CHRM3: variants seen among roughly 807,000 people sequenced by gnomAD.
The protein encoded by CHRM3 is muscarinic acetylcholine receptor M3.
CHRM3 carries 11 observed loss-of-function variants against 41.8 expected under a neutral mutation model. The observed-to-expected ratio is 0.26, with a 90% CI of 0.17 to 0.44. CHRM3 has a LOEUF of 0.44. Among genes scored for constraint, CHRM3 ranks in the 20% least tolerant of loss-of-function variants. CHRM3 has a pLI of 1.00. For synonymous variants in CHRM3, 297 were observed against 301.4 expected, an observed-to-expected ratio of 0.99 and a Z score of 0.15; for missense variants, 571 against 745.4, an observed-to-expected ratio of 0.77 and a Z score of 2.72.
intron 3 of CHRM3, among the ~76,000 whole-genome samples, chr1:239,567,066 A>C: frequency 6.6e-6 from 1 of 152,216 alleles, no homozygotes; most frequent in East Asian, 1.9e-4. Flanking sequence ...ACTTAATACA[A>C]TTTTATGATT....
intron 3 of CHRM3, among the ~76,000 whole-genome samples, chr1:239,572,509 A>T (rs1661919182): frequency 6.6e-6 from 1 of 152,194 alleles, no homozygotes; most frequent in Non-Finnish European, 1.5e-5. Flanking sequence ...GATGATATAC[A>T]TCTTTTCCGG....
At chr1:239,595,986 G>A (rs554817023) in intron 3 of CHRM3, among the ~76,000 whole-genome samples, 3 of 152,018 alleles carry the variant, frequency 2.0e-5, no homozygotes, top group Non-Finnish European at 2.9e-5. Flanking sequence ...GTAATTTCAC[G>A]CTTCTCATTT....
chr1:239,675,449 A>C (rs1657903275), intron 4 of CHRM3, among the ~76,000 whole-genome samples: 1 of 152,318 alleles, frequency 6.6e-6, no homozygotes, highest in Middle Eastern at 3.4e-3. Flanking sequence ...TTTGTCAAGA[A>C]TTGCAAGACA....
At chr1:239,887,026 G>T (rs1350206209) in intron 6 of CHRM3, among the ~76,000 whole-genome samples, 4 of 152,102 alleles carry the variant, frequency 2.6e-5, no homozygotes, top group African/African-American at 9.7e-5. Flanking sequence ...ACAACTGCTT[G>T]TGTGACTCAG....
chr1:239,658,562 G>C (rs1158404915), intron 4 of CHRM3, among the ~76,000 whole-genome samples: 1 of 152,100 alleles, frequency 6.6e-6, no homozygotes, highest in Admixed American at 6.5e-5. Flanking sequence ...TTTACATCTT[G>C]ATTATATGGT....
chr1:239,873,610 A>G (rs1223123614), intron 6 of CHRM3, among the ~76,000 whole-genome samples: 1 of 151,768 alleles, frequency 6.6e-6, no homozygotes, highest in Non-Finnish European at 1.5e-5. Context: ...TTCTGCTTCT[A>G]CATGCTACTT....
At chr1:239,618,281 T>TC (rs1558382372) in intron 3 of CHRM3, among the ~76,000 whole-genome samples, 6 of 140,434 alleles carry the variant, frequency 4.3e-5, no homozygotes. Context: ...TTCTTTCTTT[T>TC]TTTTTTTTTT....
In CHRM3 at chr1:239,915,439, T is replaced by C. The variant is rs568973547; in HGVS notation, c.*6215T>C. 2 of 167,074 alleles carry C rather than the reference T, an allele frequency of 1.2e-5. No individual in the cohort carries two copies. The highest frequency in any genetic ancestry group is 4.8e-5 in the African/African-American group (2 of 41,458). The allele number at this position is 167,074 out of a possible 1,614,324, so 10.3% of individuals were successfully genotyped here. Reference sequence around the variant, plus strand: ...ACAGTGAAATAAGTAAATAAAACTATTATTGAACAAAGAGTGTGGTTTGCT... The same window carrying C: ...ACAGTGAAATAAGTAAATAAAACTACTATTGAACAAAGAGTGTGGTTTGCT... On this transcript the variant is annotated 3_prime_UTR_variant, in exon 7 of 7. Transcript: ENST00000676153.
chr1:239,620,790 G>T (rs891238726), intron 3 of CHRM3, among the ~76,000 whole-genome samples: 2 of 152,012 alleles, frequency 1.3e-5, no homozygotes, highest in Non-Finnish European at 2.9e-5. Flanking sequence ...TGCTGAGGTG[G>T]ATTCACTCTC....
rs1680533825 is a variant in CHRM3 at position 239,914,364 on chromosome 1, ATAT to A, written c.*5144_*5146del. On this transcript the variant is annotated 3_prime_UTR_variant, in exon 7 of 7. Transcript: ENST00000676153. ...AATAACCTCCTTATTAATATAACAA[ATAT>A]TATCAACATTCTGTGCACATCAATG... 1 of 167,230 alleles carries A rather than the reference ATAT, an allele frequency of 6.0e-6. No individual in the cohort carries two copies. Among genetic ancestry groups the A allele is most frequent in the South Asian group, 2.1e-4 (1 of 4,830 alleles). 10.4% of individuals were successfully genotyped at this position (167,230 alleles called of 1,614,324 possible).
In CHRM3 at chr1:239,908,448, A is replaced by C; in HGVS notation, c.997A>C (p.Ser333Arg). 6.2e-7 allele frequency: 1 copy of C among 1,613,758 alleles called. No homozygotes were observed. Among genetic ancestry groups the C allele is most frequent in the Non-Finnish European group, 8.5e-7 (1 of 1,179,900 alleles). The change falls in exon 7 of 7, where the codon AGC becomes CGC. Residue 333 changes from serine to arginine, a missense_variant. Ser to Arg is a moderately radical substitution (Grantham distance 110). This residue lies in a region of CHRM3 where 239 missense variants were observed against 239.6 expected (regional missense o/e 1.00). Transcript: ENST00000676153. The surrounding 1 kb of genome is among the most constrained non-coding windows in gnomAD (Gnocchi z 7.2). ...SSEQMDQDHS[S>R]SDSWNNNDAA... ...CGAGCAGATGGACCAAGACCACAGC[A>C]GCAGTGACAGTTGGAACAACAATGA...
chr1:239,618,693 A>AAG (rs1667971278), intron 3 of CHRM3, among the ~76,000 whole-genome samples: 5 of 150,498 alleles, frequency 3.3e-5, no homozygotes, highest in Admixed American at 3.3e-4. Flanking sequence ...AAATACAAAA[A>AAG]ATTAGCTGGG....
chr1:239,873,268 A>G (rs1283062598), intron 6 of CHRM3, among the ~76,000 whole-genome samples: 2 of 152,194 alleles, frequency 1.3e-5, no homozygotes, highest in Non-Finnish European at 2.9e-5. Context: ...TTCCTCAGCT[A>G]CAAAGTGGGA....
chr1:239,768,195 A>C (rs955066578), intron 5 of CHRM3, among the ~76,000 whole-genome samples: 1 of 152,220 alleles, frequency 6.6e-6, no homozygotes, highest in Non-Finnish European at 1.5e-5. Flanking sequence ...AGAATAGAGT[A>C]TGCCCAATTT....
At chr1:239,597,858 G>GTTTTTT (rs35067421) in intron 3 of CHRM3, among the ~76,000 whole-genome samples, 4 of 120,856 alleles carry the variant, frequency 3.3e-5, no homozygotes, top group Non-Finnish European at 6.6e-5. Flanking sequence ...AACTGTCAGA[G>GTTTTTT]TTTTTTTTTT....
intron 4 of CHRM3, among the ~76,000 whole-genome samples, chr1:239,651,986 T>A (rs887959414): frequency 3.6e-4 from 6 of 16,704 alleles, no homozygotes; most frequent in African/African-American, 5.2e-4. Context: ...CCAGTTTTTG[T>A]TTTTTTTTTT....
chr1:239,809,561 G>T (rs558185972), intron 5 of CHRM3, among the ~76,000 whole-genome samples: 1 of 152,064 alleles, frequency 6.6e-6, no homozygotes, highest in East Asian at 2.0e-4. Flanking sequence ...GCAGTGACAT[G>T]ATCACAGCTC....
intron 1 of CHRM3, among the ~76,000 whole-genome samples, chr1:239,414,578 C>G (rs753722851): frequency 6.6e-6 from 1 of 152,200 alleles, no homozygotes; most frequent in African/African-American, 2.4e-5. Context: ...TATTTTCAAT[C>G]GGGTAATGTA....
intron 1 of CHRM3, among the ~76,000 whole-genome samples, chr1:239,435,082 C>A (rs968363642): frequency 6.6e-6 from 1 of 152,276 alleles, no homozygotes; most frequent in Non-Finnish European, 1.5e-5. Flanking sequence ...TAAAGAAAAT[C>A]ATATGAAGTT....
Sources: allele counts gnomAD v4.1 joint callset (sites outside exome capture counted in the v4.1 genomes callset), GRCh38; gene constraint gnomAD v4.1.1; regional missense constraint gnomAD v4.1.1; non-coding constraint Gnocchi (gnomAD v3.1); transcripts MANE v1.5; gene names NCBI Gene and HGNC (gene_info 2026-07-23, HGNC 2026-07-21).